NINL: variants seen among roughly 807,000 people sequenced by gnomAD.
The protein encoded by NINL is ninein-like protein.
NINL carries 153 observed loss-of-function variants against 160.3 expected under a neutral mutation model. That is an observed-to-expected ratio of 0.95 (90% CI 0.84 to 1.09). The LOEUF is 1.09. NINL is among the 50% of genes least tolerant of loss of function. NINL has a pLI of 0.00. For missense variants in NINL, 1,829 were observed against 1,764.0 expected (o/e 1.04, Z -0.66); for synonymous variants, 800 against 734.8 (o/e 1.09, Z -1.43).
chr20:25,456,405 G>A (rs546342046), intron 22 of NINL, among the ~76,000 whole-genome samples: 11 of 151,172 alleles, frequency 7.3e-5, no homozygotes, highest in African/African-American at 2.4e-4. Context: ...AAAATCAGCC[G>A]GGCATGGTAG....
At chr20:25,491,635 C>G (rs946273250) in intron 10 of NINL, 110 bp from the exon 11 acceptor site, 1 of 1,294,290 alleles carries the variant, frequency 7.7e-7, no homozygotes, top group East Asian at 2.5e-5. Flanking sequence ...GTCCTCAGCA[C>G]GTGCAGGGCC....
At chr20:25,478,875 CT>C (rs763889192) in intron 16 of NINL, 47 bp downstream of exon 16, 293 of 1,479,468 alleles carry the variant, frequency 2.0e-4, no homozygotes, top group Non-Finnish European at 2.3e-4. Context: ...AATTTTGGTT[CT>C]TGGCAAGAAA....
chr20:25,495,410 G>C (rs1392449980), intron 10 of NINL, among the ~76,000 whole-genome samples: 2 of 152,210 alleles, frequency 1.3e-5, no homozygotes, highest in Non-Finnish European at 2.9e-5. Context: ...GCCACGCTCA[G>C]CTGAGCCACC....
intron 1 of NINL, among the ~76,000 whole-genome samples, chr20:25,536,985 A>C (rs2064568279): frequency 6.6e-6 from 1 of 152,222 alleles, no homozygotes; most frequent in African/African-American, 2.4e-5. Context: ...TATCAGGAGA[A>C]ATATCTAAGA....
At chr20:25,575,395 C>T (rs575075316) in intron 1 of NINL, among the ~76,000 whole-genome samples, 2 of 141,480 alleles carry the variant, frequency 1.4e-5, no homozygotes, top group South Asian at 4.5e-4. Context: ...TGCAGTGAGC[C>T]GAGATTGCGC....
intron 11 of NINL, among the ~76,000 whole-genome samples, 158 bp downstream of exon 11, chr20:25,491,193 C>T (rs187164189): frequency 2.0e-5 from 3 of 152,354 alleles, no homozygotes; most frequent in Middle Eastern, 3.4e-3. Context: ...AAGTGGGACA[C>T]CTCCTCACTG....
At chr20:25,574,801 G>A (rs1487903283) in intron 1 of NINL, among the ~76,000 whole-genome samples, 3 of 151,068 alleles carry the variant, frequency 2.0e-5, no homozygotes, top group African/African-American at 4.9e-5. Flanking sequence ...ATGTGGGCAT[G>A]AGGGGCTGAA....
At chr20:25,556,153 A>G (rs1057466636) in intron 1 of NINL, among the ~76,000 whole-genome samples, 2 of 152,180 alleles carry the variant, frequency 1.3e-5, no homozygotes, top group Admixed American at 1.3e-4. Context: ...GAGGTGGCAG[A>G]TGCTTGTAGT....
intron 7 of NINL, among the ~76,000 whole-genome samples, chr20:25,502,772 A>T (rs1288161073): frequency 6.6e-6 from 1 of 152,086 alleles, no homozygotes; most frequent in Non-Finnish European, 1.5e-5. Context: ...TGCTCTGGCC[A>T]TGTGACCTGC....
chr20:25,499,251 C>G, intron 8 of NINL: 1 of 984,982 alleles, frequency 1.0e-6, no homozygotes, highest in Non-Finnish European at 1.2e-6. Flanking sequence ...ACGCTCCCCA[C>G]CACGTCACTG....
chr20:25,542,017 C>A (rs1320046464), intron 1 of NINL, among the ~76,000 whole-genome samples: 2 of 152,216 alleles, frequency 1.3e-5, no homozygotes, highest in Non-Finnish European at 2.9e-5. Context: ...GGGCCTGCTA[C>A]CATCCCTGTT....
In NINL at chr20:25,478,959, A is replaced by G. The variant is rs764022868; in HGVS notation, c.2165T>C (p.Leu722Pro). The part of the protein sequence containing the change: ...APCCTQALCG[L>P]ALRHHSHLQQ... ...CAGGTGGCTGTGATGCCGCAGGGCC[A>G]GGCCACACAGTGCCTGGGTGCAGCA... Residue 722 changes from leucine to proline, a missense_variant, in exon 16 of 24, where the codon CTG (leucine) becomes CCG (proline). By Grantham distance (98) the Leu-to-Pro change is moderately conservative. Transcript: ENST00000278886. 3 of 1,582,644 alleles carry G rather than the reference A, an allele frequency of 1.9e-6. No homozygotes were observed. Among genetic ancestry groups the G allele is most frequent in the Non-Finnish European group, 2.6e-6 (3 of 1,164,734 alleles).
chr20:25,500,225 C>T (rs6138586), intron 8 of NINL, among the ~76,000 whole-genome samples: 15 of 152,354 alleles, frequency 9.8e-5, no homozygotes, highest in African/African-American at 3.4e-4. Flanking sequence ...GGCAGAGCTC[C>T]TTCCAAATCT....
intron 1 of NINL, among the ~76,000 whole-genome samples, chr20:25,577,580 C>T (rs1268736881): frequency 6.6e-6 from 1 of 152,150 alleles, no homozygotes; most frequent in African/African-American, 2.4e-5. Flanking sequence ...ATTCCTATGC[C>T]CTTGAAACGA....
intron 1 of NINL, among the ~76,000 whole-genome samples, chr20:25,570,141 T>C (rs1600361210): frequency 1.3e-5 from 2 of 152,006 alleles, no homozygotes; most frequent in Admixed American, 1.3e-4. Flanking sequence ...GATTGGGCCA[T>C]TGCACTCCAG....
rs780232311 is a variant in NINL, at chr20:25,526,615, G to A, written c.-11-17C>T. Reference sequence around the variant, plus strand: ...CATAGCAGGCTGGCAGTGTGCAAGGGAAGAAGAAAACATCAGGACACTTTC... The same window carrying A: ...CATAGCAGGCTGGCAGTGTGCAAGGAAAGAAGAAAACATCAGGACACTTTC... On this transcript the variant is annotated splice_polypyrimidine_tract_variant and intron_variant, in intron 1 of 23. Coordinates refer to ENST00000278886, the MANE Select transcript of NINL (RefSeq NM_025176.6). 44 of 1,604,290 alleles carry A rather than the reference G, an allele frequency of 2.7e-5. No individual in the cohort carries two copies. Among genetic ancestry groups the A allele is most frequent in the Non-Finnish European group, 3.4e-6 (4 of 1,172,480 alleles).
rs144121584 is a variant in NINL, at chr20:25,557,652, C to T, written c.-12+27803G>A. ...ATGTATAAGCATCTAACACTAGAGC[C>T]TCAAAATAAAGCGAAACTCAACAGA... On this transcript the variant is annotated intron_variant, in intron 1 of 23. Coordinates refer to ENST00000278886, the MANE Select transcript of NINL (RefSeq NM_025176.6). Among the ~76,000 whole-genome samples, 218 of 151,974 alleles carry T rather than the reference C, an allele frequency of 1.4e-3. 2 individuals carry two copies. The highest frequency in any genetic ancestry group is 2.6e-3 in the Non-Finnish European group (180 of 67,964).
intron 2 of NINL, among the ~76,000 whole-genome samples, chr20:25,524,778 C>G (rs1413528235): frequency 6.6e-6 from 1 of 152,076 alleles, no homozygotes; most frequent in East Asian, 1.9e-4. Flanking sequence ...CTTATTCAAT[C>G]AGCAGAGCCT....
intron 13 of NINL, among the ~76,000 whole-genome samples, chr20:25,483,294 A>G (rs1601098488): frequency 6.6e-6 from 1 of 151,514 alleles, no homozygotes; most frequent in Admixed American, 6.6e-5. Flanking sequence ...AGATTGTGCC[A>G]CTCCACTCCA....
Sources: gnomAD v4.1 joint callset for allele counts (sites outside exome capture counted in the v4.1 genomes callset) on GRCh38, gnomAD v4.1.1 for gene constraint, MANE v1.5 for transcripts, NCBI Gene and HGNC (gene_info 2026-07-23, HGNC 2026-07-21) for gene names.